Variants in POU6F2 observed in about 807,000 individuals in gnomAD.
POU6F2 encodes POU class 6 homeobox 2.
A neutral mutation model predicts 71.3 loss-of-function variants in POU6F2; 31 were observed. The observed-to-expected ratio is 0.43, with a 90% CI of 0.33 to 0.59. The LOEUF is 0.59. Ranked by LOEUF, POU6F2 falls within the 20% of genes least tolerant of loss-of-function variation. The probability of loss-of-function intolerance (pLI) is 0.04; values close to 1 mark genes in which losing one functional copy is unlikely to be tolerated. For synonymous variants in POU6F2, 347 were observed against 355.7 expected (o/e 0.98, Z 0.27); for missense variants, 783 against 856.8 (o/e 0.91, Z 1.07).
intron 1 of POU6F2, among the ~76,000 whole-genome samples, chr7:38,997,605 CT>C (rs1003966723): frequency 6.6e-6 from 1 of 152,158 alleles, no homozygotes; most frequent in Non-Finnish European, 1.5e-5. Flanking sequence ...GGATTACCCC[CT>C]ATGTAGATAT....
chr7:39,133,854 C>T (rs1221836163), intron 2 of POU6F2, among the ~76,000 whole-genome samples: 1 of 152,108 alleles, frequency 6.6e-6, no homozygotes, highest in Non-Finnish European at 1.5e-5. Context: ...TCAATAAATA[C>T]CTTAGAAATA....
chr7:39,244,257 T>C (rs1391692647), intron 4 of POU6F2, among the ~76,000 whole-genome samples: 1 of 152,182 alleles, frequency 6.6e-6, no homozygotes, highest in African/African-American at 2.4e-5. Flanking sequence ...TTTAAGGTGC[T>C]TCTAAAAGGA....
At chr7:39,416,524 T>A (rs1223654441) in intron 6 of POU6F2, among the ~76,000 whole-genome samples, 2 of 152,178 alleles carry the variant, frequency 1.3e-5, no homozygotes, top group African/African-American at 4.8e-5. Context: ...GATGTTAGAA[T>A]TGGTTGAGCT....
intron 2 of POU6F2, among the ~76,000 whole-genome samples, chr7:39,092,946 A>T (rs1013343200): frequency 3.9e-5 from 6 of 152,128 alleles, no homozygotes; most frequent in African/African-American, 9.7e-5. Flanking sequence ...AAACTACCTA[A>T]CCAAGATGCA....
chr7:39,139,242 AG>A (rs1229215566), intron 2 of POU6F2, among the ~76,000 whole-genome samples: 4 of 152,120 alleles, frequency 2.6e-5, no homozygotes, highest in Non-Finnish European at 5.9e-5. Context: ...GAGGCATTAG[AG>A]GTGTTTGACT....
At chr7:39,341,148 G>A (rs1046719246) in intron 5 of POU6F2, among the ~76,000 whole-genome samples, 22 of 152,256 alleles carry the variant, frequency 1.4e-4, no homozygotes, top group East Asian at 1.9e-4. Context: ...GTTGGTACAC[G>A]GACAGAAAGG....
intron 5 of POU6F2, among the ~76,000 whole-genome samples, chr7:39,344,565 C>T (rs371667210): frequency 2.0e-5 from 3 of 152,236 alleles, no homozygotes; most frequent in Non-Finnish European, 2.9e-5. Flanking sequence ...GCTAGACCTA[C>T]GGGACTTTCA....
At position 39,021,298 on chromosome 7, in the gene POU6F2, T is replaced by G. The variant is rs183062341; in HGVS notation, c.105+43240T>G. Among the ~76,000 whole-genome samples, 4 of 152,060 alleles carry G rather than the reference T, an allele frequency of 2.6e-5. No individual in the cohort carries two copies. In the East Asian group the frequency reaches 7.7e-4, roughly 29 times the overall value. On this transcript the variant is annotated intron_variant, in intron 1 of 9. Transcript: ENST00000518318. ...TGATCAGTTTTTATTCTTACTGCTT[T>G]GAAAGTTTTGCATGTTATTTCTTTC...
chr7:39,330,573 C>T (rs1016247859), intron 4 of POU6F2, among the ~76,000 whole-genome samples: 9 of 152,192 alleles, frequency 5.9e-5, no homozygotes, highest in South Asian at 2.1e-4. Context: ...CAAAAAAATA[C>T]GCAGTGATCA....
At chr7:39,182,695 AAACCATT>A (rs1308044677) in intron 2 of POU6F2, among the ~76,000 whole-genome samples, 6 of 152,068 alleles carry the variant, frequency 3.9e-5, no homozygotes, top group Non-Finnish European at 8.8e-5. Context: ...CTGCAATTGT[AAACCATT>A]GTATTCCCCA....
intron 5 of POU6F2, among the ~76,000 whole-genome samples, chr7:39,373,087 C>G (rs1352572257): frequency 6.6e-6 from 1 of 152,056 alleles, no homozygotes; most frequent in African/African-American, 2.4e-5. Context: ...GCCTTCATTT[C>G]CTTCTTTTAA....
Position 39,266,695 on chromosome 7 carries a change from C to CTTTT in POU6F2, c.598+59091_598+59094dup, listed in dbSNP as rs35508359. ...ACAGGCATGAGCCACCGCACCTGGC[C>CTTTT]TTTTTTTTTTTTTTTTTTTGAATTG... On this transcript the variant is annotated intron_variant, in intron 4 of 9. Transcript: ENST00000518318. Among the ~76,000 whole-genome samples, 190 of 105,068 alleles carry CTTTT rather than the reference C, an allele frequency of 1.8e-3. 10 individuals carry two copies. Among genetic ancestry groups the CTTTT allele is most frequent in the Middle Eastern group, 7.1e-3 (1 of 140 alleles). The allele number at this position is 105,068 out of a possible 152,430, so 68.9% of individuals were successfully genotyped here.
chr7:39,256,893 G>GCCCATTAAAA (rs912521218), intron 4 of POU6F2, among the ~76,000 whole-genome samples: 4 of 152,120 alleles, frequency 2.6e-5, no homozygotes, highest in Non-Finnish European at 5.9e-5. Context: ...CTTGATGTTA[G>GCCCATTAAAA]CCCATTAAAA....
At chr7:39,037,031 T>C (rs1335776757) in intron 1 of POU6F2, among the ~76,000 whole-genome samples, 2 of 152,110 alleles carry the variant, frequency 1.3e-5, no homozygotes, top group Non-Finnish European at 2.9e-5. Flanking sequence ...TGATTATGAT[T>C]TTGAAATCTT....
intron 4 of POU6F2, among the ~76,000 whole-genome samples, chr7:39,296,933 G>T (rs1018424158): frequency 3.3e-5 from 5 of 152,092 alleles, no homozygotes; most frequent in Non-Finnish European, 1.5e-5. Context: ...TTTATTCAAA[G>T]CCACAGGAGT....
At chr7:39,390,682 C>T (rs1019784611) in intron 5 of POU6F2, among the ~76,000 whole-genome samples, 7 of 152,126 alleles carry the variant, frequency 4.6e-5, no homozygotes, top group East Asian at 1.9e-4. Context: ...GTTAAATCGG[C>T]GGATAACAAA....
At chr7:39,372,742 T>A (rs747554605) in intron 5 of POU6F2, among the ~76,000 whole-genome samples, 7 of 152,176 alleles carry the variant, frequency 4.6e-5, no homozygotes, top group Admixed American at 6.5e-5. Context: ...ATGTATCACA[T>A]CATTAGAGTA....
At chr7:39,223,378 G>A (rs1794405292) in intron 4 of POU6F2, among the ~76,000 whole-genome samples, 1 of 152,136 alleles carries the variant, frequency 6.6e-6, no homozygotes, top group Non-Finnish European at 1.5e-5. Context: ...TGTTATATAT[G>A]CAGGTGGATA....
chr7:38,984,749 ATG>A (rs1288753971), intron 1 of POU6F2: 3 of 152,164 alleles, frequency 2.0e-5, no homozygotes, highest in African/African-American at 7.2e-5. Context: ...GTTTAATATG[ATG>A]TTGACCCTGC....
Sources: allele counts gnomAD v4.1 joint callset (sites outside exome capture counted in the v4.1 genomes callset), GRCh38; gene constraint gnomAD v4.1.1; transcripts MANE v1.5; gene names NCBI Gene and HGNC (gene_info 2026-07-23, HGNC 2026-07-21).